Variants in DDIAS observed in about 807,000 individuals in gnomAD.
DDIAS encodes the protein DNA damage-induced apoptosis suppressor protein.
In DDIAS, 14 loss-of-function variants were observed where a neutral mutation model predicts 15.7. The ratio of observed to expected loss-of-function variants is 0.89; its 90% CI spans 0.59 to 1.39. The LOEUF is 1.39. Among genes scored for constraint, DDIAS ranks in the 40% most tolerant of loss-of-function variants. The pLI is 0.00. For synonymous variants in DDIAS, 355 were observed against 395.9 expected, an observed-to-expected ratio of 0.90 and a Z score of 1.23; for missense variants, 1,035 against 1,130.9, an observed-to-expected ratio of 0.92 and a Z score of 1.22.
chr11:82,930,681 G>C (rs1860962877), intron 5 of DDIAS, among the ~76,000 whole-genome samples: 1 of 151,612 alleles, frequency 6.6e-6, no homozygotes, highest in Admixed American at 6.6e-5. Context: ...CTTGAGTATT[G>C]ATAAGAATAC....
At chr11:82,907,996 A>G (rs1590798165) in intron 1 of DDIAS, among the ~76,000 whole-genome samples, 1 of 152,236 alleles carries the variant, frequency 6.6e-6, no homozygotes, top group African/African-American at 2.4e-5. Flanking sequence ...AAAGACATAC[A>G]TAGGATGACT....
Position 82,914,727 on chromosome 11 carries a change from C to T in DDIAS, c.-12C>T, listed in dbSNP as rs758987657. 3.3e-6 allele frequency: 5 copies of T among 1,514,552 alleles called. No individual in the cohort carries two copies. The highest frequency in any genetic ancestry group is 2.3e-5 in the South Asian group (2 of 88,098). The allele number at this position is 1,514,552 out of a possible 1,614,324, so 93.8% of individuals were successfully genotyped here. A position where few individuals can be genotyped will look rare whatever the true frequency, so the allele number is the denominator to read the frequency against. ...AATGGCTATTTTGTTTTGCAGACCA[C>T]GGTGTGAACACATGAACAGAAGACG... On this transcript the variant is annotated 5_prime_UTR_variant, in exon 3 of 6. The change creates a new upstream start codon in the 5' untranslated region. Coordinates refer to ENST00000533655, the MANE Select transcript of DDIAS (RefSeq NM_145018.4).
chr11:82,925,785 G>A (rs1220526619), intron 3 of DDIAS, among the ~76,000 whole-genome samples: 2 of 151,926 alleles, frequency 1.3e-5, no homozygotes. Flanking sequence ...TCAGGAGATC[G>A]AGACCATCCT....
Position 82,913,391 on chromosome 11 carries a change from G to A in DDIAS, c.-17+5G>A, listed in dbSNP as rs796104230. 24 of 186,654 alleles carry A rather than the reference G, an allele frequency of 1.3e-4. No homozygotes were observed. Among genetic ancestry groups the A allele is most frequent in the African/African-American group, 5.0e-4 (21 of 41,708 alleles). 11.6% of individuals were successfully genotyped at this position (186,654 alleles called of 1,614,324 possible). On this transcript the variant is annotated splice_donor_5th_base_variant and intron_variant, in intron 2 of 5. Coordinates refer to ENST00000533655, the MANE Select transcript of DDIAS (RefSeq NM_145018.4). ...CCCAAGCAGCTGGTATTACAGGTAC[G>A]TGCCACCACACTCAGCTAATTCTCT...
rs1240607907 is a variant in DDIAS, at chr11:82,931,742, A to C, written c.404A>C (p.Asn135Thr). Residue 135 changes from asparagine to threonine, a missense_variant, in exon 6 of 6, where the codon AAC becomes ACC. Transcript: ENST00000533655. ...TTGCTTCTTTCACAGAATTTTGAAA[A>C]CCAACCTGGACAAGGTTCAGATGCC... ...SFIFGVTNFE[N>T]QPGQGSDASN... 2 of 1,572,678 alleles carry C rather than the reference A, an allele frequency of 1.3e-6. No individual in the cohort carries two copies. The highest frequency in any genetic ancestry group is 2.4e-5 in the South Asian group (2 of 85,004).
intron 3 of DDIAS, among the ~76,000 whole-genome samples, chr11:82,925,291 C>T (rs1488040442): frequency 6.6e-6 from 1 of 152,052 alleles, no homozygotes; most frequent in African/African-American, 2.4e-5. Flanking sequence ...TTTAATTTCT[C>T]GTTTTATGAG....
At chr11:82,912,438 T>C (rs1004254034) in intron 1 of DDIAS, among the ~76,000 whole-genome samples, 3 of 152,226 alleles carry the variant, frequency 2.0e-5, no homozygotes, top group African/African-American at 7.2e-5. Context: ...GGAGGTGGCT[T>C]CTTTTCCTAA....
intron 1 of DDIAS, among the ~76,000 whole-genome samples, chr11:82,911,758 A>G (rs530468794): frequency 2.0e-5 from 3 of 152,354 alleles, no homozygotes; most frequent in Admixed American, 6.5e-5. Flanking sequence ...GCCCAGATCC[A>G]TCAGAATAAG....
At chr11:82,910,329 G>A (rs1860504558) in intron 1 of DDIAS, among the ~76,000 whole-genome samples, 2 of 148,536 alleles carry the variant, frequency 1.3e-5, no homozygotes, top group Admixed American at 6.8e-5. Flanking sequence ...GGCCCAGGCT[G>A]GAGTGCAGTG....
intron 3 of DDIAS, among the ~76,000 whole-genome samples, chr11:82,927,658 G>C (rs1036556682): frequency 6.6e-6 from 1 of 152,088 alleles, no homozygotes; most frequent in Admixed American, 6.5e-5. Context: ...TATTCTGTCT[G>C]TTAAATAAAG....
chr11:82,914,641 G>A, intron 2 of DDIAS, 82 bp from the exon 3 acceptor site: 1 of 651,786 alleles, frequency 1.5e-6, no homozygotes, highest in Non-Finnish European at 2.7e-6. Flanking sequence ...TTGCAGTAGA[G>A]GTTAAGTGGT....
chr11:82,921,001 T>C (rs1489777545), intron 3 of DDIAS, among the ~76,000 whole-genome samples: 1 of 152,200 alleles, frequency 6.6e-6, no homozygotes, highest in Non-Finnish European at 1.5e-5. Context: ...ATTATTGTGT[T>C]GCTGTCTATC....
chr11:82,934,533 G>T lies in DDIAS; in HGVS notation c.*198G>T. 1 of 495,176 alleles carries T rather than the reference G, an allele frequency of 2.0e-6. No homozygotes were observed. 30.7% of individuals were successfully genotyped at this position (495,176 alleles called of 1,614,324 possible). A position where few individuals can be genotyped will look rare whatever the true frequency, so the allele number is the denominator to read the frequency against. On this transcript the variant is annotated 3_prime_UTR_variant, in exon 6 of 6. Transcript: ENST00000533655. ...GGTTTTATCTAGAATACTATGATTA[G>T]GTAGTTGAGCACTTTATCTTATACT...
At chr11:82,928,464 G>C (rs904676526) in intron 3 of DDIAS, among the ~76,000 whole-genome samples, 1 of 151,924 alleles carries the variant, frequency 6.6e-6, no homozygotes, top group Non-Finnish European at 1.5e-5. Flanking sequence ...CTCCCAAAGT[G>C]CTGGGATTAC....
intron 1 of DDIAS, among the ~76,000 whole-genome samples, chr11:82,902,154 G>A (rs1349332271): frequency 6.6e-6 from 1 of 152,168 alleles, no homozygotes; most frequent in Non-Finnish European, 1.5e-5. Flanking sequence ...GTGGGCCACT[G>A]TGCAGAGTAG....
intron 5 of DDIAS, among the ~76,000 whole-genome samples, chr11:82,931,328 T>A (rs941056348): frequency 6.6e-6 from 1 of 152,108 alleles, no homozygotes; most frequent in Non-Finnish European, 1.5e-5. Context: ...AATAGTTGTA[T>A]CTGTTTTAAC....
At chr11:82,913,897 A>G (rs1260221189) in intron 2 of DDIAS, 3 of 426,400 alleles carry the variant, frequency 7.0e-6, no homozygotes, top group Non-Finnish European at 1.4e-5. Context: ...TGTTTTATAT[A>G]CATCTTATAC....
chr11:82,930,053 A>T (rs564446888), intron 4 of DDIAS, 104 bp from the exon 5 acceptor site: 4 of 656,270 alleles, frequency 6.1e-6, no homozygotes, highest in Non-Finnish European at 1.0e-5. Context: ...TTTCCTCTAT[A>T]AAAGGTTCAT....
intron 5 of DDIAS, among the ~76,000 whole-genome samples, chr11:82,930,776 T>G (rs1860965735): frequency 6.6e-6 from 1 of 151,760 alleles, no homozygotes; most frequent in South Asian, 2.1e-4. Context: ...CCTTTGACTT[T>G]GAAGGAGTAA....
Sources: allele counts gnomAD v4.1 joint callset (sites outside exome capture counted in the v4.1 genomes callset), GRCh38; gene constraint gnomAD v4.1.1; transcripts MANE v1.5; gene names NCBI Gene and HGNC (gene_info 2026-07-23, HGNC 2026-07-21).